Variants in PIK3CA observed in about 807,000 individuals in gnomAD.
PIK3CA encodes the protein phosphatidylinositol-4,5-bisphosphate 3-kinase catalytic subunit alpha.
In PIK3CA, 27 loss-of-function variants were observed where a neutral mutation model predicts 138.2. The ratio of observed to expected loss-of-function variants is 0.20; its 90% confidence interval spans 0.14 to 0.27. The LOEUF (loss-of-function observed/expected upper bound fraction) is 0.27, where lower values mean the gene tolerates loss of function less well. PIK3CA is among the 10% of genes least tolerant of loss of function. The pLI is 1.00. For synonymous variants in PIK3CA, 358 were observed against 413.2 expected (o/e 0.87, Z 1.62); for missense variants, 544 against 1,277.4 (o/e 0.43, Z 8.75).
chr3:179,167,852 G>T (rs563406461), intron 1 of PIK3CA, among the ~76,000 whole-genome samples: 13 of 151,870 alleles, frequency 8.6e-5, no homozygotes, highest in African/African-American at 3.1e-4. Flanking sequence ...TACATTTTTT[G>T]TTTTCCCCTA....
At chr3:179,198,311 T>A (rs1197033151) in intron 1 of PIK3CA, among the ~76,000 whole-genome samples, 1 of 152,196 alleles carries the variant, frequency 6.6e-6, no homozygotes, top group Non-Finnish European at 1.5e-5. Context: ...TTTTACTTAT[T>A]TTAAAATAAG....
intron 1 of PIK3CA, among the ~76,000 whole-genome samples, chr3:179,161,302 C>G (rs889901631): frequency 1.3e-5 from 2 of 152,194 alleles, no homozygotes; most frequent in Non-Finnish European, 2.9e-5. Flanking sequence ...GTAACAGAAA[C>G]CTGCTTAGTG....
intron 6 of PIK3CA, among the ~76,000 whole-genome samples, chr3:179,206,456 AAAC>A (rs1724563466): frequency 6.6e-6 from 1 of 152,198 alleles, no homozygotes; most frequent in South Asian, 2.1e-4. Context: ...AGGAAAAGAA[AAAC>A]AACATTTGAG....
At chr3:179,189,854 ATC>A (rs898477361) in intron 1 of PIK3CA, among the ~76,000 whole-genome samples, 3 of 152,198 alleles carry the variant, frequency 2.0e-5, no homozygotes, top group African/African-American at 7.2e-5. Context: ...TGTGAGTTAA[ATC>A]TGTTTTCTCA....
intron 6 of PIK3CA, among the ~76,000 whole-genome samples, chr3:179,206,199 A>G (rs1192535138): frequency 6.7e-6 from 1 of 149,750 alleles, no homozygotes; most frequent in Non-Finnish European, 1.5e-5. Flanking sequence ...CTGGGACTAC[A>G]GGCACATGCC....
intron 2 of PIK3CA, 138 bp from the exon 3 acceptor site, chr3:179,199,552 A>C (rs1364420856): frequency 3.6e-6 from 2 of 553,864 alleles, no homozygotes; most frequent in Non-Finnish European, 6.3e-6. Context: ...CATTCATCAA[A>C]AATTTGTTTT....
intron 1 of PIK3CA, among the ~76,000 whole-genome samples, chr3:179,180,251 A>G (rs1377916860): frequency 1.3e-5 from 2 of 152,086 alleles, no homozygotes; most frequent in Non-Finnish European, 2.9e-5. Flanking sequence ...CATACTGTCT[A>G]CTTAACCTGT....
At chr3:179,207,592 G>C (rs1724598911) in intron 6 of PIK3CA, among the ~76,000 whole-genome samples, 1 of 150,812 alleles carries the variant, frequency 6.6e-6, no homozygotes, top group Admixed American at 6.6e-5. Context: ...TGTCGCCCAG[G>C]CTGGAGTGCA....
rs199692674 is a variant in PIK3CA at position 179,234,654 on chromosome 3, T to A, written c.*290T>A. On this transcript the variant is annotated 3_prime_UTR_variant, in exon 21 of 21. Transcript: ENST00000263967. The surrounding 1 kb of genome is among the most constrained non-coding windows in gnomAD (Gnocchi z 5.1). ...TTTGAAGATTGTTTGTATCTTTTTTTAAAAAACAAAACAAAACAAAAATCC... is the reference window on the plus strand; with the variant it reads ...TTTGAAGATTGTTTGTATCTTTTTTAAAAAAACAAAACAAAACAAAAATCC... 83 of 279,192 alleles carry A rather than the reference T, an allele frequency of 3.0e-4. No homozygotes were observed. The highest frequency in any genetic ancestry group is 1.5e-3 in the African/African-American group (70 of 46,608). The allele number at this position is 279,192 out of a possible 1,614,324, so 17.3% of individuals were successfully genotyped here. A position where few individuals can be genotyped will look rare whatever the true frequency, so the allele number is the denominator to read the frequency against.
At chr3:179,185,330 T>C (rs1358708578) in intron 1 of PIK3CA, among the ~76,000 whole-genome samples, 1 of 152,214 alleles carries the variant, frequency 6.6e-6, no homozygotes, top group Non-Finnish European at 1.5e-5. Flanking sequence ...ATTGCTAATA[T>C]TACCTTTTTC....
chr3:179,225,272 G>A (rs1725056555), intron 16 of PIK3CA, among the ~76,000 whole-genome samples: 1 of 151,984 alleles, frequency 6.6e-6, no homozygotes, highest in Non-Finnish European at 1.5e-5. Context: ...CAGCCTAACA[G>A]AGAAAAGAGG....
chr3:179,177,849 G>C (rs1210854271), intron 1 of PIK3CA, among the ~76,000 whole-genome samples: 1 of 151,996 alleles, frequency 6.6e-6, no homozygotes, highest in Non-Finnish European at 1.5e-5. Context: ...TCAAAAGACA[G>C]CATTAAGAAA....
intron 1 of PIK3CA, chr3:179,168,942 G>A (rs1163230851): frequency 6.6e-6 from 1 of 151,458 alleles, no homozygotes; most frequent in Admixed American, 6.6e-5. Flanking sequence ...CTCTTTATGA[G>A]CCGTATCTTA....
chr3:179,207,547 T>C (rs183864605), intron 6 of PIK3CA, among the ~76,000 whole-genome samples: 2,409 of 151,270 alleles, frequency 0.016, 75 homozygotes, highest in African/African-American at 0.055. Flanking sequence ...AATTTTTCTT[T>C]TCTTTTTTTT....
In PIK3CA at chr3:179,238,048, A is replaced by C. The variant is rs1725364885; in HGVS notation, c.*3684A>C. On this transcript the variant is annotated 3_prime_UTR_variant, in exon 21 of 21. Coordinates refer to ENST00000263967, the MANE Select transcript of PIK3CA (RefSeq NM_006218.4). Reference sequence around the variant, plus strand: ...CTTTCATACTTCAGATGTTTTTGAGAAGAGGGGAATGTGAGGGGAGGGGGC... The same window carrying C: ...CTTTCATACTTCAGATGTTTTTGAGCAGAGGGGAATGTGAGGGGAGGGGGC... 4.5e-6 allele frequency: 1 copy of C among 223,362 alleles called. No individual in the cohort carries two copies. 13.8% of individuals were successfully genotyped at this position (223,362 alleles called of 1,614,324 possible).
intron 9 of PIK3CA, among the ~76,000 whole-genome samples, chr3:179,216,400 A>T (rs539405852): frequency 1.9e-4 from 29 of 152,012 alleles, no homozygotes; most frequent in East Asian, 5.8e-4. Context: ...ATTTTTTTTT[A>T]AATTTTCTTG....
intron 1 of PIK3CA, among the ~76,000 whole-genome samples, chr3:179,192,046 C>A (rs1456896262): frequency 6.6e-6 from 1 of 152,166 alleles, no homozygotes; most frequent in African/African-American, 2.4e-5. Context: ...CAGAAAACAT[C>A]TTAGGCTGTA....
intron 1 of PIK3CA, among the ~76,000 whole-genome samples, chr3:179,189,710 C>T (rs749144174): frequency 6.6e-6 from 1 of 152,084 alleles, no homozygotes; most frequent in Non-Finnish European, 1.5e-5. Context: ...TGTTTCTTAG[C>T]ACTGTAAATA....
chr3:179,215,135 T>C (rs1406848746), intron 9 of PIK3CA, among the ~76,000 whole-genome samples: 1 of 152,192 alleles, frequency 6.6e-6, no homozygotes. Flanking sequence ...GCCTGGTATA[T>C]TGCACTTAGG....
Sources: allele counts gnomAD v4.1 joint callset (sites outside exome capture counted in the v4.1 genomes callset), GRCh38; gene constraint gnomAD v4.1.1; non-coding constraint Gnocchi (gnomAD v3.1); transcripts MANE v1.5; gene names NCBI Gene and HGNC (gene_info 2026-07-23, HGNC 2026-07-21).